The following CLCN5 variants were observed in gnomAD, a reference collection of about 807,000 sequenced individuals.
CLCN5 encodes Cl-/H+ antiporter 5, also known as H(+)/Cl(-) exchange transporter 5.
A neutral mutation model predicts 54.0 loss-of-function variants in CLCN5; 17 were observed. That is an observed-to-expected ratio of 0.31 (90% CI 0.22 to 0.47). CLCN5 has a LOEUF of 0.47. Ranked by LOEUF, CLCN5 falls within the 20% of genes least tolerant of loss-of-function variation. The pLI is 1.00. For missense variants in CLCN5, 448 were observed against 646.7 expected, an observed-to-expected ratio of 0.69 and a Z score of 3.33; for synonymous variants, 222 against 233.0, an observed-to-expected ratio of 0.95 and a Z score of 0.43.
chrX:49,972,481 G>T (rs1321452765), intron 3 of CLCN5, among the ~76,000 whole-genome samples: 1 of 111,636 alleles, frequency 9.0e-6, no homozygotes, highest in African/African-American at 3.3e-5. Flanking sequence ...GAAGCAACCG[G>T]TCCAGAGGTT....
intron 3 of CLCN5, among the ~76,000 whole-genome samples, chrX:49,953,875 G>A (rs1344297233): frequency 2.7e-5 from 3 of 111,950 alleles, no homozygotes; most frequent in Non-Finnish European, 5.6e-5. Context: ...GTGTATTCTC[G>A]TTCAGAAAAT....
rs200225080 is a variant in CLCN5 at position 50,070,013 on chromosome X, C to T, written c.298C>T (p.Arg100Trp). The change falls in exon 5 of 15, where the codon CGG becomes TGG. Residue 100 changes from arginine to tryptophan, a missense_variant. Around this residue, in one of 5 missense-constraint regions of CLCN5, gnomAD observed 41 missense variants for 71.3 expected, o/e 0.58. Coordinates refer to ENST00000376091, the MANE Select transcript of CLCN5 (RefSeq NM_001127898.4). The stretch of plus-strand genomic sequence containing the variant: ...TTGGGTGAGAGAGAAGTCTCGAGAC[C>T]GGGATAGGCACCGAGAGGTAAGACA... ...IDWVREKSRD[R>W]DRHREITNKS... 2.2e-5 allele frequency: 27 copies of T among 1,206,081 alleles called. No individual in the cohort carries two copies. Among genetic ancestry groups the T allele is most frequent in the Middle Eastern group, 2.3e-4 (1 of 4,351 alleles).
chrX:49,986,271 ACTT>A (rs782742474), intron 3 of CLCN5, among the ~76,000 whole-genome samples: 117 of 111,587 alleles, frequency 1.0e-3, no homozygotes, highest in Middle Eastern at 9.2e-3. Context: ...GACCTGGCTT[ACTT>A]CTTAAACAAT....
chrX:49,948,418 A>G (rs1480938537), intron 3 of CLCN5, among the ~76,000 whole-genome samples: 1 of 111,403 alleles, frequency 9.0e-6, no homozygotes, highest in Non-Finnish European at 1.9e-5. Context: ...AAAATCAGCT[A>G]GCTGAATGAC....
chrX:50,034,239 TA>T (rs1557186281), intron 3 of CLCN5, among the ~76,000 whole-genome samples: 1 of 112,528 alleles, frequency 8.9e-6, no homozygotes, highest in East Asian at 2.8e-4. Context: ...CAGATTTCAG[TA>T]ACTCTGTCCT....
intron 5 of CLCN5, among the ~76,000 whole-genome samples, chrX:50,071,587 C>A (rs188143553): frequency 8.9e-6 from 1 of 112,006 alleles, no homozygotes; most frequent in East Asian, 2.8e-4. Context: ...CCCAAGGGGG[C>A]TTTTTGTTTT....
intron 3 of CLCN5, among the ~76,000 whole-genome samples, chrX:49,939,087 G>T (rs1557170253): frequency 9.0e-6 from 1 of 111,421 alleles, no homozygotes; most frequent in Non-Finnish European, 1.9e-5. Flanking sequence ...ACCACAATGA[G>T]ATACCACCTC....
intron 3 of CLCN5, among the ~76,000 whole-genome samples, chrX:49,939,356 C>T (rs782534561): frequency 1.6e-3 from 178 of 110,518 alleles, no homozygotes; most frequent in African/African-American, 5.7e-3. Flanking sequence ...TATTGCGGCA[C>T]TATTCACAAT....
rs1232263333 is a variant in CLCN5, at chrX:50,022,732, G to T, written c.17-19584G>T. Among the ~76,000 whole-genome samples the T allele has an allele frequency of 6.6e-4, 45 of 68,677 alleles. 2 individuals are homozygous for T. Among genetic ancestry groups the T allele is most frequent in the African/African-American group, 2.8e-3 (32 of 11,327 alleles). The allele number at this position is 68,677 out of a possible 115,157, so 59.6% of individuals were successfully genotyped here. On this transcript the variant is annotated intron_variant, in intron 3 of 14. Coordinates refer to ENST00000376091, the MANE Select transcript of CLCN5 (RefSeq NM_001127898.4). ...TTTATTTCTGCCTTCATTTCGTTAT[G>T]TACCCAGTAGTCATTCAGGAGCAGG...
intron 3 of CLCN5, among the ~76,000 whole-genome samples, chrX:50,001,686 A>G (rs935686167): frequency 3.3e-4 from 31 of 95,184 alleles, no homozygotes; most frequent in Non-Finnish European, 5.3e-4. Flanking sequence ...TCATTGTTCA[A>G]TTCCCACCTA....
intron 4 of CLCN5, among the ~76,000 whole-genome samples, chrX:50,049,006 C>T (rs781904174): frequency 9.0e-6 from 1 of 110,957 alleles, no homozygotes; most frequent in Non-Finnish European, 1.9e-5. Context: ...TAATTCTAAT[C>T]TATTACCACA....
intron 4 of CLCN5, among the ~76,000 whole-genome samples, chrX:50,051,267 T>C (rs1461849852): frequency 1.8e-5 from 2 of 112,468 alleles, no homozygotes; most frequent in Non-Finnish European, 3.8e-5. Context: ...GCACTGGTTG[T>C]TAAAAACACT....
chrX:50,092,057 A>C, intron 14 of CLCN5, 72 bp from the exon 15 acceptor site: 1 of 754,289 alleles, frequency 1.3e-6, no homozygotes, highest in Non-Finnish European at 2.0e-6. Context: ...GAGGAGGACA[A>C]GTATCACCTT....
intron 3 of CLCN5, chrX:50,013,204 T>TCCCCCCCCC: frequency 6.1e-6 from 1 of 162,973 alleles, no homozygotes; most frequent in Non-Finnish European, 1.2e-5. Context: ...TCTTTCTCTC[T>TCCCCCCCCC]CCTCCCCCAC....
Position 50,069,864 on chromosome X carries a change from T to A in CLCN5, c.164-15T>A. The A allele has an allele frequency of 5.0e-6, 6 of 1,190,499 alleles. No individual in the cohort carries two copies. Among genetic ancestry groups the A allele is most frequent in the Non-Finnish European group, 6.8e-6 (6 of 885,065 alleles). On this transcript the variant is annotated splice_polypyrimidine_tract_variant and intron_variant, in intron 4 of 14. Coordinates refer to ENST00000376091, the MANE Select transcript of CLCN5 (RefSeq NM_001127898.4). ...AATTTCTGAAGTACTAATGTCTATT[T>A]CTTGTTCAATACAGAGGACAAGTCG...
intron 4 of CLCN5, among the ~76,000 whole-genome samples, chrX:50,064,364 C>T (rs1433311170): frequency 5.2e-5 from 5 of 95,349 alleles, no homozygotes; most frequent in Admixed American, 2.4e-4. Context: ...TATACACCAA[C>T]AACAGACAAA....
At chrX:49,993,354 A>T (rs192124545) in intron 3 of CLCN5, among the ~76,000 whole-genome samples, 1 of 112,088 alleles carries the variant, frequency 8.9e-6, no homozygotes, top group African/African-American at 3.2e-5. Flanking sequence ...TTGTTACTAA[A>T]GTTCTAAAAT....
chrX:50,058,081 A>G (rs1250863718), intron 4 of CLCN5, among the ~76,000 whole-genome samples: 2 of 111,983 alleles, frequency 1.8e-5, no homozygotes, highest in African/African-American at 6.5e-5. Flanking sequence ...TTTTTTGTAC[A>G]TTTGGTTCCA....
Position 50,086,108 on chromosome X carries a change from T to C in CLCN5, c.1014+48T>C, listed in dbSNP as rs189743584. On this transcript the variant is annotated intron_variant, in intron 10 of 14. Coordinates refer to ENST00000376091, the MANE Select transcript of CLCN5 (RefSeq NM_001127898.4). ...CATGTGCATGCTTTTGTGTCAGGAA[T>C]TTTGTACATTGCAGCGCAATAATTT... is the stretch of plus-strand genomic sequence containing the variant. 6 of 1,012,222 alleles carry C rather than the reference T, an allele frequency of 5.9e-6. No individual in the cohort carries two copies. In the East Asian group the frequency reaches 1.8e-4, roughly 31 times the overall value. The allele number at this position is 1,012,222 out of a possible 1,213,427, so 83.4% of individuals were successfully genotyped here. A position where few individuals can be genotyped will look rare whatever the true frequency, so the allele number is the denominator to read the frequency against.
Sources: gnomAD v4.1 joint callset for allele counts (sites outside exome capture counted in the v4.1 genomes callset) on GRCh38, gnomAD v4.1.1 for gene constraint, gnomAD v4.1.1 regional missense constraint, MANE v1.5 for transcripts, NCBI Gene and HGNC (gene_info 2026-07-23, HGNC 2026-07-21) for gene names.